The following EPB41L2 variants were observed in gnomAD, a reference collection of about 807,000 sequenced individuals.
EPB41L2 encodes band 4.1-like protein 2.
In EPB41L2, 43 loss-of-function variants were observed where a neutral mutation model predicts 113.0. That is an observed-to-expected ratio of 0.38 (90% confidence interval 0.30 to 0.49). The LOEUF is 0.49. Ranked by LOEUF, EPB41L2 falls within the 20% of genes least tolerant of loss-of-function variation. The probability of loss-of-function intolerance (pLI) is 0.95; values close to 1 mark genes in which losing one functional copy is unlikely to be tolerated. For missense variants in EPB41L2, 1,147 were observed against 1,223.4 expected (o/e 0.94, Z 0.93); for synonymous variants, 442 against 436.7 (o/e 1.01, Z -0.15).
chr6:130,859,142 G>A (rs1394295027), intron 18 of EPB41L2, among the ~76,000 whole-genome samples: 1 of 152,190 alleles, frequency 6.6e-6, no homozygotes, highest in African/African-American at 2.4e-5. Context: ...TTCAGAGGAG[G>A]AAAATAGCTT....
chr6:130,940,280 GT>G (rs1271927974), intron 3 of EPB41L2, among the ~76,000 whole-genome samples: 6 of 152,230 alleles, frequency 3.9e-5, no homozygotes, highest in African/African-American at 1.4e-4. Flanking sequence ...CAGGAAAGTG[GT>G]TTGCCCTGAA....
chr6:130,914,783 C>T (rs1250616445), intron 4 of EPB41L2, among the ~76,000 whole-genome samples: 3 of 152,090 alleles, frequency 2.0e-5, no homozygotes, highest in South Asian at 2.1e-4. Flanking sequence ...AAGGATTTTG[C>T]CAACTACTTA....
At chr6:130,979,864 G>C (rs1778997992) in intron 1 of EPB41L2, among the ~76,000 whole-genome samples, 1 of 152,190 alleles carries the variant, frequency 6.6e-6, no homozygotes, top group Non-Finnish European at 1.5e-5. Context: ...CTGGTTTCCA[G>C]ACTGAAATGT....
At chr6:130,891,563 C>T (rs575874843) in intron 10 of EPB41L2, among the ~76,000 whole-genome samples, 1 of 152,260 alleles carries the variant, frequency 6.6e-6, no homozygotes, top group African/African-American at 2.4e-5. Flanking sequence ...ATTCTCCTGC[C>T]TCAGCCTCCT....
At chr6:130,955,350 A>T in intron 2 of EPB41L2, 33 bp from the exon 3 acceptor site, 11 of 1,598,468 alleles carry the variant, frequency 6.9e-6, no homozygotes, top group Non-Finnish European at 9.4e-6. Flanking sequence ...TTCATACTAT[A>T]GTCAACCACC....
chr6:131,038,500 T>C (rs1793797980), intron 1 of EPB41L2, among the ~76,000 whole-genome samples: 1 of 152,192 alleles, frequency 6.6e-6, no homozygotes. Context: ...TAAATGCTGG[T>C]TCTTTAAAAA....
chr6:130,892,403 C>CTTTTTTTTGTTTTTTTTTTTTTTTT (rs1793207306), intron 10 of EPB41L2, among the ~76,000 whole-genome samples: 1 of 92,638 alleles, frequency 1.1e-5, no homozygotes, highest in Non-Finnish European at 2.4e-5. Context: ...CAGATTATTG[C>CTTTTTTTTGTTTTTTTTTTTTTTTT]TTTTTTTTTT....
At chr6:131,035,536 T>A (rs552842016) in intron 1 of EPB41L2, among the ~76,000 whole-genome samples, 27 of 152,374 alleles carry the variant, frequency 1.8e-4, no homozygotes, top group African/African-American at 6.5e-4. Flanking sequence ...AAATATTTAC[T>A]GAGCTCTTCT....
intron 1 of EPB41L2, among the ~76,000 whole-genome samples, chr6:131,031,440 A>G (rs1792139024): frequency 6.6e-6 from 1 of 152,182 alleles, no homozygotes; most frequent in African/African-American, 2.4e-5. Context: ...ATAGTTTTGT[A>G]CCAAGGAGCA....
At chr6:131,008,418 T>G (rs1786106546) in intron 1 of EPB41L2, among the ~76,000 whole-genome samples, 1 of 152,244 alleles carries the variant, frequency 6.6e-6, no homozygotes, top group Non-Finnish European at 1.5e-5. Flanking sequence ...AGGCAGAAGT[T>G]TGCTGCAGAA....
At chr6:130,985,369 C>G (rs944214445) in intron 1 of EPB41L2, among the ~76,000 whole-genome samples, 2 of 152,168 alleles carry the variant, frequency 1.3e-5, no homozygotes, top group Non-Finnish European at 2.9e-5. Context: ...GTTTTCTTCA[C>G]TCAGTAAAAC....
chr6:130,962,269 A>G (rs1198888191), intron 1 of EPB41L2, among the ~76,000 whole-genome samples: 2 of 149,836 alleles, frequency 1.3e-5, no homozygotes, highest in Non-Finnish European at 3.0e-5. Flanking sequence ...GAGGCAGGAG[A>G]GGTGGGGCAG....
intron 4 of EPB41L2, among the ~76,000 whole-genome samples, chr6:130,915,032 G>A (rs543751544): frequency 1.1e-4 from 16 of 152,230 alleles, no homozygotes; most frequent in East Asian, 9.7e-4. Flanking sequence ...GGCCGGGCGC[G>A]GTGGCTCACG....
chr6:130,995,561 T>C (rs528534290), intron 1 of EPB41L2, among the ~76,000 whole-genome samples: 1 of 152,230 alleles, frequency 6.6e-6, no homozygotes, highest in Admixed American at 6.5e-5. Context: ...CACGGGCACA[T>C]GTCTTCAGGA....
intron 19 of EPB41L2, among the ~76,000 whole-genome samples, chr6:130,854,582 A>G (rs548164716): frequency 6.6e-6 from 1 of 152,336 alleles, no homozygotes; most frequent in African/African-American, 2.4e-5. Context: ...AGGTGGAGCT[A>G]CTGGTAACGC....
At chr6:131,002,063 A>C (rs1182137246) in intron 1 of EPB41L2, among the ~76,000 whole-genome samples, 3 of 152,224 alleles carry the variant, frequency 2.0e-5, no homozygotes, top group Admixed American at 6.5e-5. Flanking sequence ...ATTTAGACTA[A>C]AGTCAAATGC....
At chr6:130,972,815 G>A (rs182134066) in intron 1 of EPB41L2, among the ~76,000 whole-genome samples, 164 of 152,056 alleles carry the variant, frequency 1.1e-3, no homozygotes, top group African/African-American at 3.6e-3. Flanking sequence ...GCAGCCAGGC[G>A]TGGTGGCTCA....
intron 1 of EPB41L2, among the ~76,000 whole-genome samples, chr6:131,023,754 TAG>T (rs1554340597): frequency 4.7e-4 from 35 of 74,080 alleles, no homozygotes; most frequent in African/African-American, 1.6e-3. Context: ...TATCTATATA[TAG>T]ATATATAGAT....
At chr6:131,001,086 C>A (rs547548755) in intron 1 of EPB41L2, among the ~76,000 whole-genome samples, 1 of 150,334 alleles carries the variant, frequency 6.7e-6, no homozygotes, top group Admixed American at 6.7e-5. Flanking sequence ...TATATTCCAA[C>A]TATACAACTA....
Sources: allele counts gnomAD v4.1 joint callset (sites outside exome capture counted in the v4.1 genomes callset), GRCh38; gene constraint gnomAD v4.1.1; transcripts MANE v1.5; gene names NCBI Gene and HGNC (gene_info 2026-07-23, HGNC 2026-07-21).